The following MEIS2 variants were observed in gnomAD, a reference collection of about 807,000 sequenced individuals.
MEIS2 encodes the protein Meis homeobox 2.
In MEIS2, 9 loss-of-function variants were observed where a neutral mutation model predicts 58.6. The ratio of observed to expected loss-of-function variants is 0.15; its 90% confidence interval spans 0.09 to 0.27. MEIS2 has a LOEUF of 0.27. Ranked by LOEUF, MEIS2 falls within the 10% of genes least tolerant of loss-of-function variation. The pLI, the probability that MEIS2 is intolerant of heterozygous loss-of-function variation, is 1.00. For synonymous variants in MEIS2, 221 were observed against 228.4 expected, an observed-to-expected ratio of 0.97 and a Z score of 0.29; for missense variants, 427 against 635.0, an observed-to-expected ratio of 0.67 and a Z score of 3.52.
At chr15:37,024,812 T>C (rs551733551) in intron 8 of MEIS2, among the ~76,000 whole-genome samples, 65 of 152,234 alleles carry the variant, frequency 4.3e-4, no homozygotes, top group Admixed American at 1.3e-3. Context: ...GGATGAAAAA[T>C]GGCATGCTGA....
intron 8 of MEIS2, among the ~76,000 whole-genome samples, chr15:36,985,764 T>C (rs2060073800): frequency 6.6e-6 from 1 of 152,220 alleles, no homozygotes; most frequent in Non-Finnish European, 1.5e-5. Flanking sequence ...GGGAAAATGA[T>C]AATCTCTCAA....
rs1012900227 is a variant in MEIS2, at chr15:37,009,214, G to A, written c.900+27600C>T. The stretch of plus-strand genomic sequence containing the variant: ...TGAGGCAAGAGAATGGCATGAACCT[G>A]GGAGGCGGAGCTTGCAGTGAGCCGA... On this transcript the variant is annotated intron_variant, in intron 8 of 11. Transcript: ENST00000561208. Among the ~76,000 whole-genome samples the A allele has an allele frequency of 1.8e-4, 27 of 152,120 alleles. 1 individual carries two copies. The highest frequency in any genetic ancestry group is 1.5e-3 in the Admixed American group (23 of 15,276).
At chr15:37,082,213 A>G (rs1001794541) in intron 7 of MEIS2, among the ~76,000 whole-genome samples, 1 of 152,188 alleles carries the variant, frequency 6.6e-6, no homozygotes, top group Non-Finnish European at 1.5e-5. Flanking sequence ...CGTAATTGCA[A>G]GAATGTGAAA....
chr15:37,005,466 A>C (rs990042074), intron 8 of MEIS2, among the ~76,000 whole-genome samples: 1 of 152,188 alleles, frequency 6.6e-6, no homozygotes, highest in Non-Finnish European at 1.5e-5. Flanking sequence ...CCCTCCAGGG[A>C]CCAGCATGTC....
chr15:36,993,782 C>T (rs2060378801), intron 8 of MEIS2, among the ~76,000 whole-genome samples: 1 of 152,016 alleles, frequency 6.6e-6, no homozygotes, highest in Non-Finnish European at 1.5e-5. Context: ...AGATTTTTAG[C>T]CCAAAAGGTA....
At chr15:36,909,027 T>G (rs1276916110) in intron 9 of MEIS2, among the ~76,000 whole-genome samples, 1 of 152,072 alleles carries the variant, frequency 6.6e-6, no homozygotes. Flanking sequence ...TTCTTTAGAG[T>G]CAGGTAACGT....
intron 9 of MEIS2, among the ~76,000 whole-genome samples, chr15:36,936,081 A>G (rs775519326): frequency 1.4e-4 from 21 of 151,788 alleles, no homozygotes; most frequent in Non-Finnish European, 2.4e-4. Flanking sequence ...CATTTATTCG[A>G]TAAGTATTAG....
At chr15:36,964,417 A>G (rs752306702) in intron 8 of MEIS2, among the ~76,000 whole-genome samples, 17 of 152,230 alleles carry the variant, frequency 1.1e-4, no homozygotes, top group Non-Finnish European at 2.2e-4. Context: ...AGCAAGGGAA[A>G]TGTTAGTCTT....
intron 9 of MEIS2, among the ~76,000 whole-genome samples, chr15:36,912,563 C>A (rs2057081905): frequency 6.6e-6 from 1 of 152,084 alleles, no homozygotes; most frequent in Non-Finnish European, 1.5e-5. Flanking sequence ...CTTTTCCTTT[C>A]TTTTTTGAAC....
At chr15:37,056,661 C>T (rs922566123) in intron 7 of MEIS2, among the ~76,000 whole-genome samples, 6 of 152,190 alleles carry the variant, frequency 3.9e-5, no homozygotes, top group African/African-American at 1.4e-4. Flanking sequence ...TGTTTGGCTT[C>T]CTAATGAGCT....
At chr15:36,934,496 CCTT>C (rs1316602922) in intron 9 of MEIS2, among the ~76,000 whole-genome samples, 1 of 152,172 alleles carries the variant, frequency 6.6e-6, no homozygotes, top group Non-Finnish European at 1.5e-5. Flanking sequence ...CTAGAATTTG[CCTT>C]CTGCTTTCTG....
At chr15:36,901,363 T>C (rs2056461376) in intron 9 of MEIS2, among the ~76,000 whole-genome samples, 1 of 152,188 alleles carries the variant, frequency 6.6e-6, no homozygotes, top group Admixed American at 6.5e-5. Flanking sequence ...CAGCTGAGAG[T>C]AGGATTTTCT....
At chr15:37,059,171 G>A (rs961434126) in intron 7 of MEIS2, among the ~76,000 whole-genome samples, 2 of 152,142 alleles carry the variant, frequency 1.3e-5, no homozygotes, top group African/African-American at 4.8e-5. Context: ...CCAGTTACTA[G>A]GGGAGCAGAC....
chr15:36,933,196 C>T (rs1393757376), intron 9 of MEIS2, among the ~76,000 whole-genome samples: 5 of 152,130 alleles, frequency 3.3e-5, no homozygotes, highest in African/African-American at 1.2e-4. Flanking sequence ...GGTGGCTAGG[C>T]TCACTTTTGA....
chr15:37,061,916 G>C (rs1401001354), intron 7 of MEIS2, among the ~76,000 whole-genome samples: 2 of 151,772 alleles, frequency 1.3e-5, no homozygotes, highest in South Asian at 2.1e-4. Context: ...AAGCAAGCAG[G>C]ATATTTTAAA....
chr15:37,036,784 A>G (rs927995646), intron 8 of MEIS2, 30 bp downstream of exon 8: 2 of 1,479,116 alleles, frequency 1.4e-6, no homozygotes, highest in African/African-American at 2.8e-5. Flanking sequence ...AACAAAAACT[A>G]TTTTTTTTTT....
At chr15:36,928,799 C>T (rs2057851405) in intron 9 of MEIS2, among the ~76,000 whole-genome samples, 1 of 152,084 alleles carries the variant, frequency 6.6e-6, no homozygotes, top group Non-Finnish European at 1.5e-5. Context: ...TAGTTAGAAC[C>T]AATTGAAAAT....
intron 8 of MEIS2, among the ~76,000 whole-genome samples, chr15:36,979,535 T>C (rs2059864158): frequency 6.6e-6 from 1 of 151,834 alleles, no homozygotes; most frequent in South Asian, 2.1e-4. Context: ...GATAAACTTT[T>C]TTTTCATGGT....
At chr15:36,933,299 T>C (rs1420719803) in intron 9 of MEIS2, among the ~76,000 whole-genome samples, 1 of 152,076 alleles carries the variant, frequency 6.6e-6, no homozygotes, top group African/African-American at 2.4e-5. Context: ...CCCTAAAAAT[T>C]AGAGGGTCTT....
Sources: gnomAD v4.1 joint callset for allele counts (sites outside exome capture counted in the v4.1 genomes callset) on GRCh38, gnomAD v4.1.1 for gene constraint, MANE v1.5 for transcripts, NCBI Gene and HGNC (gene_info 2026-07-23, HGNC 2026-07-21) for gene names.